The following AK5 variants were observed in gnomAD, a reference collection of about 807,000 sequenced individuals.
The protein encoded by AK5 is adenylate kinase isoenzyme 5.
A neutral mutation model predicts 69.5 loss-of-function variants in AK5; 27 were observed. The observed-to-expected ratio is 0.39, with a 90% confidence interval of 0.29 to 0.54. AK5 has a LOEUF of 0.54. AK5 is among the 20% of genes least tolerant of loss of function. The probability of loss-of-function intolerance (pLI) is 0.71; values close to 1 mark genes in which losing one functional copy is unlikely to be tolerated. For synonymous variants in AK5, 260 were observed against 244.4 expected (o/e 1.06, Z -0.60); for missense variants, 531 against 700.4 (o/e 0.76, Z 2.73).
At chr1:77,423,690 A>G (rs751152456) in intron 8 of AK5, among the ~76,000 whole-genome samples, 1 of 152,064 alleles carries the variant, frequency 6.6e-6, no homozygotes, top group Non-Finnish European at 1.5e-5. Flanking sequence ...TTCAGTGTGG[A>G]CAATATGAGA....
chr1:77,447,777 T>G (rs1422566917), intron 8 of AK5, among the ~76,000 whole-genome samples: 2 of 152,182 alleles, frequency 1.3e-5, no homozygotes, highest in Non-Finnish European at 1.5e-5. Context: ...GACAGGAAAC[T>G]GTTGTTAATG....
chr1:77,398,215 G>A (rs1224536663), intron 6 of AK5, among the ~76,000 whole-genome samples: 1 of 152,144 alleles, frequency 6.6e-6, no homozygotes, highest in African/African-American at 2.4e-5. Flanking sequence ...AAAATAGAAT[G>A]AGCCTGATCT....
intron 10 of AK5, among the ~76,000 whole-genome samples, chr1:77,495,505 C>A (rs576762251): frequency 6.6e-6 from 1 of 152,250 alleles, no homozygotes; most frequent in South Asian, 2.1e-4. Context: ...ATGTAAAATT[C>A]CATTTTAACT....
intron 8 of AK5, chr1:77,417,943 T>G: frequency 2.6e-6 from 1 of 389,462 alleles, no homozygotes; most frequent in South Asian, 2.9e-5. Context: ...AAAGAAAGGT[T>G]TATCATCAAA....
chr1:77,284,463 A>G (rs1021458938), intron 1 of AK5, among the ~76,000 whole-genome samples: 11 of 152,266 alleles, frequency 7.2e-5, no homozygotes, highest in African/African-American at 2.4e-4. Flanking sequence ...AGACAAGTAA[A>G]TATATCTAAC....
intron 13 of AK5, among the ~76,000 whole-genome samples, chr1:77,548,250 A>G (rs1052061405): frequency 1.3e-5 from 2 of 152,172 alleles, no homozygotes; most frequent in African/African-American, 4.8e-5. Flanking sequence ...CAGTCAATGT[A>G]TATATAGTCC....
At position 77,367,635 on chromosome 1, in the gene AK5, ATATGT is replaced by A. The variant is rs1407637840; in HGVS notation, c.891+27076_891+27080del. On this transcript the variant is annotated intron_variant, in intron 6 of 13. Transcript: ENST00000354567. ...AATATATATGTTATATATGTAATAT[ATATGT>A]TATGTTATATATGTTATATATATGT... Among the ~76,000 whole-genome samples the A allele has an allele frequency of 1.3e-3, 122 of 93,970 alleles. 1 individual carries two copies. The highest frequency in any genetic ancestry group is 5.4e-3 in the Middle Eastern group (1 of 184). 61.6% of individuals were successfully genotyped at this position (93,970 alleles called of 152,430 possible). A position where few individuals can be genotyped will look rare whatever the true frequency, so the allele number is the denominator to read the frequency against.
chr1:77,540,267 A>G (rs1235256804), intron 13 of AK5, among the ~76,000 whole-genome samples: 2 of 152,252 alleles, frequency 1.3e-5, no homozygotes, highest in Admixed American at 1.3e-4. Context: ...CACACCAGAG[A>G]TGGAAGTACA....
At chr1:77,476,995 T>A (rs1426474053) in intron 8 of AK5, among the ~76,000 whole-genome samples, 1 of 125,568 alleles carries the variant, frequency 8.0e-6, no homozygotes, top group Non-Finnish European at 1.7e-5. Flanking sequence ...TTTTTGATTG[T>A]TCTTTTTAGT....
intron 5 of AK5, among the ~76,000 whole-genome samples, chr1:77,300,017 T>C (rs1217753373): frequency 6.6e-6 from 1 of 152,190 alleles, no homozygotes; most frequent in African/African-American, 2.4e-5. Flanking sequence ...AATTTCGTAT[T>C]CACTTTAACA....
chr1:77,463,472 C>T (rs917689530), intron 8 of AK5, among the ~76,000 whole-genome samples: 1 of 151,772 alleles, frequency 6.6e-6, no homozygotes, highest in Non-Finnish European at 1.5e-5. Flanking sequence ...AAATCTCAGT[C>T]TCTTGGGAAA....
chr1:77,428,023 T>C (rs1651330270), intron 8 of AK5, among the ~76,000 whole-genome samples: 1 of 152,156 alleles, frequency 6.6e-6, no homozygotes. Flanking sequence ...ACACCTCTCA[T>C]AGGCCACATC....
At chr1:77,292,665 T>G (rs1184480044) in intron 2 of AK5, among the ~76,000 whole-genome samples, 2 of 152,218 alleles carry the variant, frequency 1.3e-5, no homozygotes, top group Admixed American at 1.3e-4. Flanking sequence ...TTGCCAGCCC[T>G]GTCTTCCGGT....
At chr1:77,497,007 A>C (rs1030912489) in intron 10 of AK5, among the ~76,000 whole-genome samples, 3 of 152,230 alleles carry the variant, frequency 2.0e-5, no homozygotes, top group Non-Finnish European at 2.9e-5. Flanking sequence ...GCAGCAACCC[A>C]CTGGGGTCCC....
intron 5 of AK5, among the ~76,000 whole-genome samples, chr1:77,316,464 T>C (rs1333250531): frequency 1.3e-5 from 2 of 152,100 alleles, no homozygotes; most frequent in African/African-American, 4.8e-5. Flanking sequence ...AATTCTCAAC[T>C]AGATAAATAT....
At chr1:77,434,008 T>C (rs1651803138) in intron 8 of AK5, among the ~76,000 whole-genome samples, 1 of 151,446 alleles carries the variant, frequency 6.6e-6, no homozygotes, top group Admixed American at 6.6e-5. Flanking sequence ...ATTGAGTATG[T>C]CTTTAGAAAA....
intron 10 of AK5, among the ~76,000 whole-genome samples, chr1:77,500,674 CG>C (rs1656662574): frequency 6.6e-6 from 1 of 151,882 alleles, no homozygotes; most frequent in Admixed American, 6.6e-5. Flanking sequence ...CCCAGCTACT[CG>C]GGAGGCTGAG....
intron 5 of AK5, among the ~76,000 whole-genome samples, chr1:77,299,533 T>G (rs1659217177): frequency 6.6e-6 from 1 of 152,186 alleles, no homozygotes; most frequent in African/African-American, 2.4e-5. Context: ...CTGCCTCCCC[T>G]TCTTAGGTTT....
At chr1:77,418,491 G>A (rs545867440) in intron 8 of AK5, among the ~76,000 whole-genome samples, 1 of 152,254 alleles carries the variant, frequency 6.6e-6, no homozygotes, top group Admixed American at 6.5e-5. Flanking sequence ...GGAAAGCATA[G>A]CCAAGAAGTT....
Sources: gnomAD v4.1 joint callset for allele counts (sites outside exome capture counted in the v4.1 genomes callset) on GRCh38, gnomAD v4.1.1 for gene constraint, MANE v1.5 for transcripts, NCBI Gene and HGNC (gene_info 2026-07-23, HGNC 2026-07-21) for gene names.